The following MBOAT2 variants were observed in gnomAD, a reference collection of about 807,000 sequenced individuals.
The protein encoded by MBOAT2 is membrane-bound glycerophospholipid O-acyltransferase 2.
MBOAT2 carries 28 observed loss-of-function variants against 63.4 expected under a neutral mutation model. The observed-to-expected ratio is 0.44, with a 90% CI of 0.33 to 0.61. MBOAT2 has a LOEUF of 0.61. Among genes scored for constraint, MBOAT2 ranks in the 20% least tolerant of loss-of-function variants. The pLI, the probability that MBOAT2 is intolerant of heterozygous loss-of-function variation, is 0.03. For missense variants in MBOAT2, 470 were observed against 605.8 expected (o/e 0.78, Z 2.35); for synonymous variants, 211 against 215.6 (o/e 0.98, Z 0.19).
chr2:8,880,431 G>A (rs2148536660), intron 6 of MBOAT2, among the ~76,000 whole-genome samples: 1 of 152,252 alleles, frequency 6.6e-6, no homozygotes, highest in African/African-American at 2.4e-5. Flanking sequence ...GGAAGGAGGA[G>A]GGAGACAAAT....
chr2:8,970,102 T>C lies in MBOAT2; in HGVS notation c.76-11460A>G, dbSNP rs1417800328. Reference sequence around the variant, plus strand: ...GCACCACATCACACTTATTCCAAAATTGACCACATAGTTGGAAGTAAAGCA... The same window carrying C: ...GCACCACATCACACTTATTCCAAAACTGACCACATAGTTGGAAGTAAAGCA... On this transcript the variant is annotated intron_variant, in intron 1 of 12. Transcript: ENST00000305997. Among the ~76,000 whole-genome samples, 4 of 152,166 alleles carry C rather than the reference T, an allele frequency of 2.6e-5. No homozygotes were observed. In the East Asian group the frequency reaches 5.8e-4, roughly 22 times the overall value.
chr2:8,878,299 G>A (rs1023356388), intron 6 of MBOAT2, among the ~76,000 whole-genome samples: 2 of 152,124 alleles, frequency 1.3e-5, no homozygotes, highest in African/African-American at 2.4e-5. Context: ...CCATATAAAT[G>A]AATAAGGAGT....
chr2:8,868,657 T>C (rs879713366), intron 8 of MBOAT2, 108 bp from the exon 9 acceptor site: 15 of 864,128 alleles, frequency 1.7e-5, no homozygotes, highest in Non-Finnish European at 2.3e-5. Context: ...ACAGTAAAAG[T>C]AGATTTATTC....
At chr2:8,948,066 G>A (rs1668549497) in intron 2 of MBOAT2, among the ~76,000 whole-genome samples, 1 of 152,160 alleles carries the variant, frequency 6.6e-6, no homozygotes, top group South Asian at 2.1e-4. Flanking sequence ...ATAAACATTA[G>A]CAGCAGTTTG....
At chr2:8,873,645 G>A (rs1403710903) in intron 7 of MBOAT2, among the ~76,000 whole-genome samples, 1 of 152,034 alleles carries the variant, frequency 6.6e-6, no homozygotes, top group Non-Finnish European at 1.5e-5. Context: ...AATTACTTTT[G>A]GCAATAAATT....
In MBOAT2 at chr2:8,939,682, G is replaced by A. The variant is rs78870721; in HGVS notation, c.299+3505C>T. On this transcript the variant is annotated intron_variant, in intron 3 of 12. Transcript: ENST00000305997. ...AGAGCACACAATCCCTGGGGAGCAGGGAGGTCATCTGAGGTCAGAAAAGAC... is the reference window on the plus strand; with the variant it reads ...AGAGCACACAATCCCTGGGGAGCAGAGAGGTCATCTGAGGTCAGAAAAGAC... 6.6e-4 allele frequency among the ~76,000 whole-genome samples: 100 copies of A among 152,294 alleles called. 2 individuals carry two copies. In the East Asian group the frequency reaches 0.017, roughly 26 times the overall value.
intron 3 of MBOAT2, among the ~76,000 whole-genome samples, chr2:8,912,638 G>T (rs780081432): frequency 1.3e-5 from 2 of 152,090 alleles, no homozygotes; most frequent in Non-Finnish European, 2.9e-5. Flanking sequence ...CCTAACCAAG[G>T]AGTCAAAAGA....
chr2:8,922,164 C>A (rs1666617726), intron 3 of MBOAT2, among the ~76,000 whole-genome samples: 1 of 152,148 alleles, frequency 6.6e-6, no homozygotes, highest in Non-Finnish European at 1.5e-5. Flanking sequence ...TAGCACTTAT[C>A]ATGAATTTTT....
intron 1 of MBOAT2, among the ~76,000 whole-genome samples, chr2:8,971,785 A>C (rs1201914529): frequency 6.6e-6 from 1 of 152,164 alleles, no homozygotes; most frequent in Non-Finnish European, 1.5e-5. Context: ...AAAGAGAATA[A>C]AGTACCTAGG....
chr2:8,996,762 T>C (rs1309417404), intron 1 of MBOAT2, among the ~76,000 whole-genome samples: 1 of 152,242 alleles, frequency 6.6e-6, no homozygotes, highest in African/African-American at 2.4e-5. Context: ...CCTGCCCACA[T>C]CTTTGTAAAT....
chr2:8,881,232 A>G (rs1193432678), intron 6 of MBOAT2, among the ~76,000 whole-genome samples: 3 of 152,220 alleles, frequency 2.0e-5, no homozygotes, highest in Non-Finnish European at 4.4e-5. Context: ...TTCAGGCAGC[A>G]TGGGAGATTT....
intron 1 of MBOAT2, among the ~76,000 whole-genome samples, chr2:8,985,601 G>T (rs1407775001): frequency 6.6e-6 from 1 of 151,958 alleles, no homozygotes; most frequent in African/African-American, 2.4e-5. Flanking sequence ...ATAATTATCT[G>T]CCCTAGCTGC....
rs113762021 is a variant in MBOAT2, at chr2:8,985,246, G to A, written c.75+18294C>T. 4.5e-3 allele frequency among the ~76,000 whole-genome samples: 689 copies of A among 152,128 alleles called. 5 individuals carry two copies. Among genetic ancestry groups the A allele is most frequent in the Middle Eastern group, 0.027 (8 of 294 alleles). On this transcript the variant is annotated intron_variant, in intron 1 of 12. Coordinates refer to ENST00000305997, the MANE Select transcript of MBOAT2 (RefSeq NM_138799.4). Reference sequence around the variant, plus strand: ...ATTGAAAAATGATCTACCTTTTACCGTTTTTTCACAATGCTTTCAGGGGAA... The same window carrying A: ...ATTGAAAAATGATCTACCTTTTACCATTTTTTCACAATGCTTTCAGGGGAA...
At chr2:8,962,862 A>G (rs1669709738) in intron 1 of MBOAT2, among the ~76,000 whole-genome samples, 1 of 152,156 alleles carries the variant, frequency 6.6e-6, no homozygotes, top group African/African-American at 2.4e-5. Flanking sequence ...AAGAACCTAT[A>G]TACACACATG....
chr2:8,933,806 G>A (rs1261802739), intron 3 of MBOAT2, among the ~76,000 whole-genome samples: 6 of 151,984 alleles, frequency 3.9e-5, no homozygotes, highest in South Asian at 4.2e-4. Context: ...TAGCAAAAAC[G>A]TGTATTAGTC....
intron 3 of MBOAT2, among the ~76,000 whole-genome samples, chr2:8,922,497 T>G (rs2148611156): frequency 6.6e-6 from 1 of 152,352 alleles, no homozygotes; most frequent in South Asian, 2.1e-4. Context: ...GTTAATCCAC[T>G]GAATCTTTCT....
At chr2:8,888,705 A>C (rs1663752657) in intron 4 of MBOAT2, among the ~76,000 whole-genome samples, 1 of 152,174 alleles carries the variant, frequency 6.6e-6, no homozygotes, top group Non-Finnish European at 1.5e-5. Flanking sequence ...TTAACCTTTA[A>C]AGATGACATT....
chr2:8,924,045 C>G (rs1666765447), intron 3 of MBOAT2, among the ~76,000 whole-genome samples: 1 of 152,182 alleles, frequency 6.6e-6, no homozygotes, highest in African/African-American at 2.4e-5. Context: ...TAAGAACAGA[C>G]AGCCAACCCT....
At chr2:8,867,950 T>C (rs1484185302) in intron 9 of MBOAT2, among the ~76,000 whole-genome samples, 1 of 152,176 alleles carries the variant, frequency 6.6e-6, no homozygotes, top group Non-Finnish European at 1.5e-5. Flanking sequence ...TGTAAGAGTG[T>C]GGCTGCCTGG....
Sources: gnomAD v4.1 joint callset for allele counts (sites outside exome capture counted in the v4.1 genomes callset) on GRCh38, gnomAD v4.1.1 for gene constraint, MANE v1.5 for transcripts, NCBI Gene and HGNC (gene_info 2026-07-23, HGNC 2026-07-21) for gene names.